Variants in DCC observed in about 807,000 individuals in gnomAD.
The protein encoded by DCC is netrin receptor DCC.
DCC carries 58 observed loss-of-function variants against 172.5 expected under a neutral mutation model. The ratio of observed to expected loss-of-function variants is 0.34; its 90% confidence interval spans 0.27 to 0.42. The LOEUF (loss-of-function observed/expected upper bound fraction) is 0.42, where lower values mean the gene tolerates loss of function less well. DCC is among the 10% of genes least tolerant of loss of function. DCC has a pLI of 1.00. For synonymous variants in DCC, 709 were observed against 644.5 expected, an observed-to-expected ratio of 1.10 and a Z score of -1.52; for missense variants, 1,740 against 1,791.0, an observed-to-expected ratio of 0.97 and a Z score of 0.51.
chr18:52,923,648 AT>A (rs2040157380), intron 3 of DCC, 58 bp from the exon 4 acceptor site: 1 of 1,318,400 alleles, frequency 7.6e-7, no homozygotes, highest in Admixed American at 1.7e-5. Context: ...ATCAAAATAT[AT>A]CATTTATCTT....
At chr18:52,910,217 G>T (rs751872492) in intron 3 of DCC, among the ~76,000 whole-genome samples, 1 of 152,122 alleles carries the variant, frequency 6.6e-6, no homozygotes, top group African/African-American at 2.4e-5. Flanking sequence ...TGGGTGAAGG[G>T]ATGGAATCCA....
chr18:52,652,872 G>T (rs2035169359), intron 1 of DCC, among the ~76,000 whole-genome samples: 1 of 151,982 alleles, frequency 6.6e-6, no homozygotes, highest in African/African-American at 2.4e-5. Flanking sequence ...CGTGGGTCTG[G>T]AATACACAAG....
At chr18:53,489,435 G>T (rs148577275) in intron 26 of DCC, among the ~76,000 whole-genome samples, 3 of 151,996 alleles carry the variant, frequency 2.0e-5, no homozygotes, top group Admixed American at 6.6e-5. Flanking sequence ...CCCATTTCCC[G>T]TCATTCCCTA....
chr18:52,578,767 G>A (rs562514938), intron 1 of DCC, among the ~76,000 whole-genome samples: 86 of 152,284 alleles, frequency 5.6e-4, no homozygotes, highest in Admixed American at 2.7e-3. Context: ...TTGGGAGACC[G>A]AGGTGGGTGG....
At chr18:52,421,587 G>A (rs961708315) in intron 1 of DCC, among the ~76,000 whole-genome samples, 2 of 152,204 alleles carry the variant, frequency 1.3e-5, no homozygotes, top group African/African-American at 4.8e-5. Context: ...CGCCACATCT[G>A]CTGCACTTTC....
At chr18:52,857,283 A>C (rs1176221910) in intron 2 of DCC, among the ~76,000 whole-genome samples, 1 of 152,246 alleles carries the variant, frequency 6.6e-6, no homozygotes, top group Non-Finnish European at 1.5e-5. Flanking sequence ...TCCTTGCTCT[A>C]AAGATACATG....
intron 1 of DCC, among the ~76,000 whole-genome samples, chr18:52,527,030 C>A (rs2032004233): frequency 6.6e-6 from 1 of 152,294 alleles, no homozygotes; most frequent in African/African-American, 2.4e-5. Flanking sequence ...TCAATGGGAA[C>A]CTTTTGGTAA....
At chr18:53,256,295 A>C (rs1315254949) in intron 12 of DCC, among the ~76,000 whole-genome samples, 1 of 152,190 alleles carries the variant, frequency 6.6e-6, no homozygotes, top group Non-Finnish European at 1.5e-5. Context: ...GCCCGTGCCT[A>C]TGCCCCGAAT....
At chr18:52,346,446 A>G (rs1983882509) in intron 1 of DCC, among the ~76,000 whole-genome samples, 2 of 152,192 alleles carry the variant, frequency 1.3e-5, no homozygotes, top group Admixed American at 6.5e-5. Flanking sequence ...CTCCAAAGTT[A>G]TTTGACAAAT....
chr18:52,620,027 A>G (rs1217410200), intron 1 of DCC, among the ~76,000 whole-genome samples: 1 of 152,232 alleles, frequency 6.6e-6, no homozygotes, highest in Non-Finnish European at 1.5e-5. Context: ...AGCCATTGGA[A>G]AGGCCATTGA....
At chr18:53,006,755 T>G (rs2041652760) in intron 5 of DCC, among the ~76,000 whole-genome samples, 1 of 152,226 alleles carries the variant, frequency 6.6e-6, no homozygotes, top group Admixed American at 6.5e-5. Context: ...TAAATTAATT[T>G]CATCATTACC....
chr18:53,255,085 AC>A (rs1412507687), intron 12 of DCC, among the ~76,000 whole-genome samples: 2 of 151,902 alleles, frequency 1.3e-5, no homozygotes, highest in African/African-American at 4.8e-5. Flanking sequence ...TCCTGTTGAC[AC>A]CCAAGATATT....
chr18:52,741,952 G>T (rs933660095), intron 1 of DCC, among the ~76,000 whole-genome samples: 3 of 152,120 alleles, frequency 2.0e-5, no homozygotes, highest in African/African-American at 7.2e-5. Context: ...ATTAGGGTTA[G>T]ACAAGATCAT....
intron 2 of DCC, among the ~76,000 whole-genome samples, chr18:52,834,807 C>T (rs2038675931): frequency 6.6e-6 from 1 of 151,808 alleles, no homozygotes; most frequent in African/African-American, 2.4e-5. Flanking sequence ...TTATCCAATG[C>T]ATTTAATATA....
chr18:53,339,569 T>G, intron 14 of DCC, 144 bp from the exon 15 acceptor site: 2 of 724,200 alleles, frequency 2.8e-6, no homozygotes, highest in Non-Finnish European at 4.9e-6. Flanking sequence ...ATATATCATA[T>G]GCTAAAATAA....
chr18:53,012,644 G>A (rs2041747192), intron 5 of DCC, among the ~76,000 whole-genome samples: 1 of 151,990 alleles, frequency 6.6e-6, no homozygotes, highest in African/African-American at 2.4e-5. Context: ...ATGTGATACA[G>A]TTAAGATTTA....
intron 1 of DCC, among the ~76,000 whole-genome samples, chr18:52,583,556 T>A (rs1157748570): frequency 6.6e-6 from 1 of 152,210 alleles, no homozygotes; most frequent in Non-Finnish European, 1.5e-5. Flanking sequence ...TAAATTGCAT[T>A]ATGACCTATT....
intron 12 of DCC, among the ~76,000 whole-genome samples, chr18:53,262,314 A>C (rs1310100418): frequency 6.6e-6 from 1 of 152,118 alleles, no homozygotes; most frequent in African/African-American, 2.4e-5. Flanking sequence ...ACCAAATGCT[A>C]TTTTCTGCAA....
intron 17 of DCC, among the ~76,000 whole-genome samples, chr18:53,394,599 G>A (rs986080200): frequency 6.6e-6 from 1 of 151,910 alleles, no homozygotes; most frequent in Admixed American, 6.6e-5. Flanking sequence ...GATATAATAT[G>A]GATGTTACAG....
Sources: gnomAD v4.1 joint callset for allele counts (sites outside exome capture counted in the v4.1 genomes callset) on GRCh38, gnomAD v4.1.1 for gene constraint, MANE v1.5 for transcripts, NCBI Gene and HGNC (gene_info 2026-07-23, HGNC 2026-07-21) for gene names.